FOXP2: variants seen among roughly 807,000 people sequenced by gnomAD.
The protein encoded by FOXP2 is forkhead box P2.
In FOXP2, 12 loss-of-function variants were observed where a neutral mutation model predicts 115.8. That is an observed-to-expected ratio of 0.10 (90% CI 0.07 to 0.17). FOXP2 has a LOEUF of 0.17. Among genes scored for constraint, FOXP2 ranks in the 10% least tolerant of loss-of-function variants. FOXP2 has a pLI of 1.00. For missense variants in FOXP2, 629 were observed against 843.5 expected, an observed-to-expected ratio of 0.75 and a Z score of 3.15; for synonymous variants, 328 against 297.7, an observed-to-expected ratio of 1.10 and a Z score of -1.05.
chr7:114,624,412 AC>A (rs1303566443), intron 3 of FOXP2, among the ~76,000 whole-genome samples: 1 of 151,922 alleles, frequency 6.6e-6, no homozygotes, highest in Non-Finnish European at 1.5e-5. Flanking sequence ...AATGTTTTAT[AC>A]TGTAAATGTC....
intron 3 of FOXP2, among the ~76,000 whole-genome samples, chr7:114,549,387 A>G (rs1800091336): frequency 6.6e-6 from 1 of 152,106 alleles, no homozygotes; most frequent in South Asian, 2.1e-4. Flanking sequence ...AATGAATCAT[A>G]TCCTTGGGAA....
intron 3 of FOXP2, among the ~76,000 whole-genome samples, chr7:114,568,554 G>A (rs1584905394): frequency 6.6e-6 from 1 of 151,762 alleles, no homozygotes; most frequent in Non-Finnish European, 1.5e-5. Context: ...ATATGGTTAG[G>A]TTTATGAAAT....
intron 1 of FOXP2, among the ~76,000 whole-genome samples, chr7:114,212,886 T>C (rs1252318342): frequency 1.3e-5 from 2 of 152,204 alleles, no homozygotes. Flanking sequence ...TGGTGCCAGC[T>C]TTGGCATCTG....
intron 1 of FOXP2, among the ~76,000 whole-genome samples, chr7:114,422,559 C>A (rs1201652366): frequency 6.6e-6 from 1 of 151,476 alleles, no homozygotes; most frequent in Non-Finnish European, 1.5e-5. Context: ...CATGTGCACA[C>A]ATATACACAT....
intron 2 of FOXP2, among the ~76,000 whole-genome samples, chr7:114,469,645 G>A (rs1795959597): frequency 6.6e-6 from 1 of 152,178 alleles, no homozygotes; most frequent in African/African-American, 2.4e-5. Flanking sequence ...GGAAGCAGAT[G>A]TTTTGTGCAT....
chr7:114,326,693 T>C (rs920708002), intron 2 of FOXP2, among the ~76,000 whole-genome samples: 1 of 152,172 alleles, frequency 6.6e-6, no homozygotes, highest in African/African-American at 2.4e-5. Context: ...ATTGATAGAC[T>C]ATGCATTTTT....
intron 6 of FOXP2, among the ~76,000 whole-genome samples, chr7:114,635,231 T>C (rs1362759119): frequency 6.6e-6 from 1 of 152,210 alleles, no homozygotes; most frequent in Admixed American, 6.5e-5. Context: ...CTTCATTCTA[T>C]GCTTATGGAA....
In FOXP2 at chr7:114,422,335, A is replaced by AT. The variant is rs1198141233; in HGVS notation, c.-10-4158dup. Among the ~76,000 whole-genome samples the AT allele has an allele frequency of 1.5e-4, 22 of 150,170 alleles. 2 individuals carry two copies. Among genetic ancestry groups the AT allele is most frequent in the Admixed American group, 3.3e-4 (5 of 14,966 alleles). ...TTTGTTCTTAGTTTTCTGGGAAGTCATTTTTTTTTCATCCATTTGTTTTGA... is the reference window on the plus strand; with the variant it reads ...TTTGTTCTTAGTTTTCTGGGAAGTCATTTTTTTTTTCATCCATTTGTTTTGA... On this transcript the variant is annotated intron_variant, in intron 1 of 16. Coordinates refer to ENST00000350908, the MANE Select transcript of FOXP2 (RefSeq NM_014491.4).
intron 13 of FOXP2, among the ~76,000 whole-genome samples, chr7:114,660,717 T>C (rs2129341453): frequency 6.6e-6 from 1 of 152,294 alleles, no homozygotes; most frequent in Non-Finnish European, 1.5e-5. Context: ...GTGCAATATA[T>C]GTTTTGGAGG....
chr7:114,615,416 AGTT>A (rs1441953931), intron 3 of FOXP2, among the ~76,000 whole-genome samples: 3 of 152,182 alleles, frequency 2.0e-5, no homozygotes, highest in Non-Finnish European at 2.9e-5. Context: ...ATTTTAGCTT[AGTT>A]GAATAACCTC....
At chr7:114,242,030 C>T (rs1252676160) in intron 1 of FOXP2, among the ~76,000 whole-genome samples, 3 of 148,348 alleles carry the variant, frequency 2.0e-5, no homozygotes, top group African/African-American at 5.0e-5. Context: ...CTAGTAGCCT[C>T]TCCCTGACCC....
intron 16 of FOXP2, among the ~76,000 whole-genome samples, chr7:114,675,951 C>T (rs866261112): frequency 6.6e-6 from 1 of 150,836 alleles, no homozygotes; most frequent in Non-Finnish European, 1.5e-5. Flanking sequence ...GCTGTGTAGC[C>T]GAGGCTGGAG....
At chr7:114,270,342 A>C (rs915963027) in intron 1 of FOXP2, among the ~76,000 whole-genome samples, 5 of 152,190 alleles carry the variant, frequency 3.3e-5, no homozygotes. Context: ...AATACCAAAC[A>C]GCACAATATT....
At chr7:114,234,594 G>A (rs946027099) in intron 1 of FOXP2, among the ~76,000 whole-genome samples, 33 of 152,194 alleles carry the variant, frequency 2.2e-4, no homozygotes, top group African/African-American at 7.5e-4. Context: ...AAAAACCTTC[G>A]GAAATGATTT....
chr7:114,287,879 A>G (rs1219912489), intron 1 of FOXP2: 1 of 255,112 alleles, frequency 3.9e-6, no homozygotes, highest in African/African-American at 2.3e-5. Context: ...GAATATTCAC[A>G]AAGTAATGCA....
intron 1 of FOXP2, among the ~76,000 whole-genome samples, chr7:114,264,447 C>T (rs1795844788): frequency 6.6e-6 from 1 of 152,106 alleles, no homozygotes; most frequent in South Asian, 2.1e-4. Context: ...TGTTTTCCCT[C>T]CCACCCCTAT....
rs571293291 is a variant in FOXP2, at chr7:114,501,131, C to T, written c.169-33486C>T. Among the ~76,000 whole-genome samples the T allele has an allele frequency of 2.8e-4, 42 of 152,096 alleles. 1 individual carries two copies. The highest frequency in any genetic ancestry group is 5.3e-4 in the Non-Finnish European group (36 of 68,004). On this transcript the variant is annotated intron_variant, in intron 2 of 16. Transcript: ENST00000350908. ...ATGAGAAAAATGTGAATTAACCCAA[C>T]AGAACTACAGATGCTTGCCTCAGAG...
At chr7:114,448,517 T>A (rs1794932008) in intron 2 of FOXP2, among the ~76,000 whole-genome samples, 1 of 152,140 alleles carries the variant, frequency 6.6e-6, no homozygotes, top group Non-Finnish European at 1.5e-5. Context: ...AAAATGAAAT[T>A]TAAAGTTAAG....
chr7:114,192,631 G>A (rs758932741), intron 1 of FOXP2, among the ~76,000 whole-genome samples: 35 of 152,190 alleles, frequency 2.3e-4, no homozygotes, highest in Non-Finnish European at 4.4e-4. Context: ...TCATACAGCA[G>A]TGTATATTGC....
Sources: allele counts gnomAD v4.1 joint callset (sites outside exome capture counted in the v4.1 genomes callset), GRCh38; gene constraint gnomAD v4.1.1; transcripts MANE v1.5; gene names NCBI Gene and HGNC (gene_info 2026-07-23, HGNC 2026-07-21).